The following SAMD12 variants were observed in gnomAD, a reference collection of about 807,000 sequenced individuals.
SAMD12 encodes sterile alpha motif domain-containing protein 12.
In SAMD12, 9 loss-of-function variants were observed where a neutral mutation model predicts 15.0. The ratio of observed to expected loss-of-function variants is 0.60; its 90% CI spans 0.36 to 1.05. The LOEUF is 1.05. Ranked by LOEUF, SAMD12 falls within the 50% of genes least tolerant of loss-of-function variation. The probability of loss-of-function intolerance (pLI) is 0.01; values close to 1 mark genes in which losing one functional copy is unlikely to be tolerated. For synonymous variants in SAMD12, 86 were observed against 90.1 expected, an observed-to-expected ratio of 0.96 and a Z score of 0.25; for missense variants, 230 against 234.2, an observed-to-expected ratio of 0.98 and a Z score of 0.12.
intron 3 of SAMD12, among the ~76,000 whole-genome samples, chr8:118,433,474 C>T (rs917499199): frequency 7.9e-5 from 12 of 151,214 alleles, no homozygotes; most frequent in Admixed American, 7.9e-4. Context: ...TCCTTTCCAA[C>T]ACTCAGAATT....
At chr8:118,230,573 G>A (rs1027526845) in intron 4 of SAMD12, among the ~76,000 whole-genome samples, 1 of 152,062 alleles carries the variant, frequency 6.6e-6, no homozygotes, top group Admixed American at 6.6e-5. Flanking sequence ...GACCTATAGG[G>A]ACAGAAGGAC....
chr8:118,248,494 G>A (rs1812746724), intron 4 of SAMD12, among the ~76,000 whole-genome samples: 1 of 152,094 alleles, frequency 6.6e-6, no homozygotes, highest in East Asian at 1.9e-4. Context: ...TGCTAATGTT[G>A]CTCAGATTGA....
At chr8:118,566,297 T>C (rs997532726) in intron 2 of SAMD12, among the ~76,000 whole-genome samples, 11 of 152,196 alleles carry the variant, frequency 7.2e-5, no homozygotes, top group African/African-American at 2.7e-4. Flanking sequence ...TTTGGTTTCG[T>C]CTCAGAAAAC....
At chr8:118,573,106 G>T (rs1829605) in intron 2 of SAMD12, among the ~76,000 whole-genome samples, 117,619 of 152,068 alleles carry the variant, frequency 0.77, 45,931 homozygotes, top group African/African-American at 0.87. Context: ...CTTTTTGAGG[G>T]GGAGTTTCAC....
At chr8:118,551,464 T>A (rs1211962340) in intron 2 of SAMD12, among the ~76,000 whole-genome samples, 1 of 151,858 alleles carries the variant, frequency 6.6e-6, no homozygotes, top group Non-Finnish European at 1.5e-5. Context: ...AATAAAGATG[T>A]TCTTTGAAAC....
chr8:118,215,239 T>C (rs1811932507), intron 4 of SAMD12, among the ~76,000 whole-genome samples: 1 of 152,134 alleles, frequency 6.6e-6, no homozygotes, highest in African/African-American at 2.4e-5. Context: ...GCCACACCCA[T>C]TTGTTTACGT....
intron 4 of SAMD12, among the ~76,000 whole-genome samples, chr8:118,321,694 G>T (rs1350918208): frequency 1.3e-5 from 2 of 152,156 alleles, no homozygotes; most frequent in Non-Finnish European, 2.9e-5. Context: ...ACAGCATAAT[G>T]CAGTGTGTAG....
At chr8:118,148,489 T>C in the SAMD12 span, among the ~76,000 whole-genome samples, 1 of 152,156 alleles carries the variant, frequency 6.6e-6, no homozygotes, top group Non-Finnish European at 1.5e-5. Context: ...GAAAGTAAAA[T>C]CGTACAAACA....
chr8:118,542,899 C>T (rs1322935522), intron 2 of SAMD12, among the ~76,000 whole-genome samples: 1 of 152,066 alleles, frequency 6.6e-6, no homozygotes, highest in East Asian at 1.9e-4. Context: ...CCCTAGCCTA[C>T]AGCTAAATTC....
At chr8:118,316,285 A>C (rs1201211808) in intron 4 of SAMD12, among the ~76,000 whole-genome samples, 1 of 150,624 alleles carries the variant, frequency 6.6e-6, no homozygotes, top group Non-Finnish European at 1.5e-5. Context: ...CTGTAATCTC[A>C]GCACTTTGGG....
rs117919647 is a variant in SAMD12, at chr8:118,479,267, C to T, written c.193-39306G>A. Among the ~76,000 whole-genome samples, 349 of 152,212 alleles carry T rather than the reference C, an allele frequency of 2.3e-3. 1 individual carries two copies. The highest frequency in any genetic ancestry group is 4.3e-3 in the Non-Finnish European group (290 of 68,012). On this transcript the variant is annotated intron_variant, in intron 2 of 3. Transcript: ENST00000314727. ...ACCTCTGCACTGGCTGTTCCCCCCA[C>T]ACCTGGATCACTGTTATTAGTCCAT...
intron 4 of SAMD12, among the ~76,000 whole-genome samples, chr8:118,322,519 A>G (rs1816336419): frequency 6.6e-6 from 1 of 152,234 alleles, no homozygotes; most frequent in African/African-American, 2.4e-5. Context: ...TGGAAAGCCA[A>G]ACACATTACT....
intron 2 of SAMD12, among the ~76,000 whole-genome samples, chr8:118,534,861 T>G (rs913354489): frequency 6.6e-5 from 10 of 152,082 alleles, no homozygotes; most frequent in African/African-American, 2.4e-4. Context: ...TTTTTCAAGA[T>G]TTTTAGCTTC....
intron 1 of SAMD12, among the ~76,000 whole-genome samples, chr8:118,596,375 C>CA (rs1409553052): frequency 6.6e-6 from 1 of 152,182 alleles, no homozygotes; most frequent in African/African-American, 2.4e-5. Context: ...CTCCAAGTAG[C>CA]AGAGGCAGGA....
intron 4 of SAMD12, among the ~76,000 whole-genome samples, chr8:118,233,852 T>C (rs956784884): frequency 3.9e-5 from 6 of 152,198 alleles, no homozygotes; most frequent in African/African-American, 1.2e-4. Flanking sequence ...TGGTAAGTTG[T>C]TTCCCATGAG....
chr8:118,175,030 A>C, the SAMD12 span, among the ~76,000 whole-genome samples: 14 of 89,878 alleles, frequency 1.6e-4, no homozygotes, highest in Middle Eastern at 6.2e-3. Flanking sequence ...AAAGCAAAAA[A>C]AAACAAAAAA....
chr8:118,526,220 T>A (rs1825533259), intron 2 of SAMD12, among the ~76,000 whole-genome samples: 1 of 152,174 alleles, frequency 6.6e-6, no homozygotes, highest in Admixed American at 6.5e-5. Context: ...CAACTCCCTT[T>A]ACATTTATGG....
At chr8:118,522,237 C>T (rs571149144) in intron 2 of SAMD12, among the ~76,000 whole-genome samples, 7 of 151,100 alleles carry the variant, frequency 4.6e-5, no homozygotes, top group Non-Finnish European at 5.9e-5. Flanking sequence ...AGAAATCAAA[C>T]GAGAGCAAGA....
chr8:118,161,328 A>G, the SAMD12 span, among the ~76,000 whole-genome samples: 662 of 152,278 alleles, frequency 4.3e-3, 5 homozygotes, highest in African/African-American at 0.013. Context: ...TCATGCCTAT[A>G]ATCCCAGCAC....
Sources: allele counts gnomAD v4.1 joint callset (sites outside exome capture counted in the v4.1 genomes callset), GRCh38; gene constraint gnomAD v4.1.1; transcripts MANE v1.5; gene names NCBI Gene and HGNC (gene_info 2026-07-23, HGNC 2026-07-21).